Variants in CFLAR observed in about 807,000 individuals in gnomAD.
CFLAR encodes the protein CASP8 and FADD like apoptosis regulator.
In CFLAR, 14 loss-of-function variants were observed where a neutral mutation model predicts 51.1. That is an observed-to-expected ratio of 0.27 (90% CI 0.18 to 0.43). The LOEUF (loss-of-function observed/expected upper bound fraction) is 0.43. Among genes scored for constraint, CFLAR ranks in the 20% least tolerant of loss-of-function variants. The pLI is 1.00. For synonymous variants in CFLAR, 210 were observed against 211.6 expected (o/e 0.99, Z 0.06); for missense variants, 390 against 566.5 (o/e 0.69, Z 3.16).
At chr2:201,141,050 G>T (rs1938694754) in intron 5 of CFLAR, among the ~76,000 whole-genome samples, 1 of 152,070 alleles carries the variant, frequency 6.6e-6, no homozygotes, top group Admixed American at 6.6e-5. Flanking sequence ...GGCCAACATG[G>T]TGAAACTCCA....
chr2:201,160,361 T>C (rs1942852403), intron 8 of CFLAR, 71 bp from the exon 9 acceptor site: 3 of 1,484,168 alleles, frequency 2.0e-6, no homozygotes, highest in Non-Finnish European at 2.7e-6. Context: ...ATGTCTAGGA[T>C]TCCTACCCAG....
chr2:201,143,139 G>A (rs1013697515), intron 5 of CFLAR, among the ~76,000 whole-genome samples: 3 of 152,032 alleles, frequency 2.0e-5, no homozygotes, highest in African/African-American at 7.2e-5. Context: ...CCTGTTGTGA[G>A]CCCATATGCT....
intron 2 of CFLAR, 73 bp from the exon 3 acceptor site, chr2:201,132,956 G>A (rs2049527928): frequency 1.3e-6 from 2 of 1,531,364 alleles, no homozygotes; most frequent in Non-Finnish European, 1.8e-6. Flanking sequence ...TGTTGCATAG[G>A]GGAGGCGTGG....
intron 1 of CFLAR, among the ~76,000 whole-genome samples, chr2:201,123,764 G>A (rs911469406): frequency 3.3e-5 from 5 of 152,148 alleles, no homozygotes; most frequent in Admixed American, 1.3e-4. Context: ...GCCAATGGAG[G>A]GGGAAGGTGA....
chr2:201,158,644 G>A (rs369613645), intron 8 of CFLAR, among the ~76,000 whole-genome samples: 10 of 152,200 alleles, frequency 6.6e-5, no homozygotes, highest in African/African-American at 2.4e-4. Flanking sequence ...TCAGCACTGG[G>A]TATCGAAACA....
At chr2:201,156,349 C>T (rs1942177223) in intron 8 of CFLAR, among the ~76,000 whole-genome samples, 1 of 152,164 alleles carries the variant, frequency 6.6e-6, no homozygotes, top group Non-Finnish European at 1.5e-5. Context: ...CACGTTTGAC[C>T]TCAGAACTCC....
chr2:201,128,065 G>A (rs1435402450), intron 1 of CFLAR, among the ~76,000 whole-genome samples: 1 of 152,064 alleles, frequency 6.6e-6, no homozygotes, highest in African/African-American at 2.4e-5. Flanking sequence ...TTTCAAATAT[G>A]TCAGTGAATT....
At position 201,160,739 on chromosome 2, in the gene CFLAR, G is replaced by A; in HGVS notation, c.1101G>A (p.Leu367=). 1 of 1,614,114 alleles carries A rather than the reference G, an allele frequency of 6.2e-7. No individual in the cohort carries two copies. Residue 367 remains leucine (L), a synonymous_variant, in exon 9 of 10, where the codon CTG becomes CTA. Coordinates refer to ENST00000309955, the MANE Select transcript of CFLAR (RefSeq NM_003879.7). ...ACTATGTGGTGTCAGAGGGCCAGCT[G>A]GAGGACAGCAGCCTCTTGGAGGTGG... ...IQNYVVSEGQ[L]EDSSLLEVDG... is the part of the protein sequence containing the mutation.
At chr2:201,136,284 C>G (rs2050106982) in intron 4 of CFLAR, 177 bp downstream of exon 4, 2 of 1,599,948 alleles carry the variant, frequency 1.3e-6, no homozygotes, top group Non-Finnish European at 1.7e-6. Context: ...TATCCCAGAT[C>G]TGCCAACTCC....
Position 201,170,812 on chromosome 2 carries a change from A to G in CFLAR, c.*6839A>G, listed in dbSNP as rs907318486. Reference sequence around the variant, plus strand: ...AAAAATATGTTGTGAATATTTTCCTATATTATGAAATATCATTAGCTGAGC... The same window carrying G: ...AAAAATATGTTGTGAATATTTTCCTGTATTATGAAATATCATTAGCTGAGC... On this transcript the variant is annotated 3_prime_UTR_variant, in exon 10 of 10. Transcript: ENST00000309955. 2 of 152,238 alleles carry G rather than the reference A, an allele frequency of 1.3e-5. No homozygotes were observed. Among genetic ancestry groups the G allele is most frequent in the Non-Finnish European group, 2.9e-5 (2 of 68,044 alleles). The allele number at this position is 152,238 out of a possible 1,614,324, so 9.4% of individuals were successfully genotyped here.
chr2:201,121,105 C>T (rs535939603), intron 1 of CFLAR, among the ~76,000 whole-genome samples: 1 of 152,302 alleles, frequency 6.6e-6, no homozygotes, highest in South Asian at 2.1e-4. Flanking sequence ...CCATGGTATG[C>T]TATTGAAACC....
At chr2:201,163,488 G>A (rs894408398) in intron 9 of CFLAR, 24 of 1,117,712 alleles carry the variant, frequency 2.1e-5, no homozygotes, top group Middle Eastern at 4.0e-4. Context: ...AGCAGGAAGC[G>A]GGGGTTAGAG....
At chr2:201,149,609 T>C in intron 7 of CFLAR, 145 bp from the exon 8 acceptor site, 1 of 571,298 alleles carries the variant, frequency 1.8e-6, no homozygotes, top group Admixed American at 3.1e-5. Flanking sequence ...TGGGAAACAT[T>C]TGCCGTAATG....
chr2:201,136,416 C>T lies in CFLAR; in HGVS notation c.523+309C>T, dbSNP rs533106260. The T allele has an allele frequency of 3.0e-5, 48 of 1,598,394 alleles. No homozygotes were observed. In the African/African-American group the frequency reaches 4.3e-4, roughly 14 times the overall value. On this transcript the variant is annotated intron_variant, in intron 4 of 9. Coordinates refer to ENST00000309955, the MANE Select transcript of CFLAR (RefSeq NM_003879.7). ...GAGCTATGGACATTCAGGGGTTTTG[C>T]ATGTATGCTGAACCCTACTGCCTTG... is the stretch of plus-strand genomic sequence containing the variant.
chr2:201,145,792 T>C (rs968055302), intron 6 of CFLAR: 1 of 184,022 alleles, frequency 5.4e-6, no homozygotes, highest in African/African-American at 2.4e-5. Context: ...AGAGGAATGG[T>C]AAATAAGTTC....
Position 201,124,123 on chromosome 2 carries a change from G to C in CFLAR, c.-137-5606G>C, listed in dbSNP as rs1485276184. Among the ~76,000 whole-genome samples, 1 of 152,182 alleles carries C rather than the reference G, an allele frequency of 6.6e-6. No individual in the cohort carries two copies. Among genetic ancestry groups the C allele is most frequent in the African/African-American group, 2.4e-5 (1 of 41,438 alleles). On this transcript the variant is annotated intron_variant, in intron 1 of 9. Transcript: ENST00000309955. The surrounding 1 kb of genome is among the most constrained non-coding windows in gnomAD (Gnocchi z 4.7). ...GAAGGGAATGTTAAGTACGTCTTTGGATGGCTTAGCTGGTCATGCTGCATG... is the reference window on the plus strand; with the variant it reads ...GAAGGGAATGTTAAGTACGTCTTTGCATGGCTTAGCTGGTCATGCTGCATG...
In CFLAR at chr2:201,148,650, T is replaced by C. The variant is rs533597165; in HGVS notation, c.662-353T>C. On this transcript the variant is annotated intron_variant, in intron 6 of 9. Transcript: ENST00000309955. ...GTATTGTCAACAGTTTCAGCACATA[T>C]AGGAAAGCTATCAGTATTGTTGGGT... 3.9e-5 allele frequency: 9 copies of C among 233,696 alleles called. No individual in the cohort carries two copies. In the Admixed American group the frequency reaches 3.9e-4, roughly 10 times the overall value. 14.5% of individuals were successfully genotyped at this position (233,696 alleles called of 1,614,324 possible).
rs2047807409 is a variant in CFLAR, at chr2:201,118,217, C to G, written c.-138+1736C>G. On this transcript the variant is annotated intron_variant, in intron 1 of 9. Coordinates refer to ENST00000309955, the MANE Select transcript of CFLAR (RefSeq NM_003879.7). This position sits in a 1 kb window ranked among gnomAD's most constrained non-coding sequence, Gnocchi z 5.1. ...CTTTCTCTAGCGACTTTATGTTTTA[C>G]GTTTCTGTTTGTAACTGACATTTGA... Among the ~76,000 whole-genome samples the G allele has an allele frequency of 1.3e-5, 2 of 152,206 alleles. No homozygotes were observed. Among genetic ancestry groups the G allele is most frequent in the African/African-American group, 2.4e-5 (1 of 41,458 alleles).
chr2:201,162,818 T>A (rs1943193388), intron 9 of CFLAR: 1 of 518,684 alleles, frequency 1.9e-6, no homozygotes, highest in Non-Finnish European at 3.5e-6. Flanking sequence ...CATTTTTGCA[T>A]GTCAGTAGTC....
Sources: gnomAD v4.1 joint callset for allele counts (sites outside exome capture counted in the v4.1 genomes callset) on GRCh38, gnomAD v4.1.1 for gene constraint, Gnocchi (gnomAD v3.1) non-coding constraint, MANE v1.5 for transcripts, NCBI Gene and HGNC (gene_info 2026-07-23, HGNC 2026-07-21) for gene names.